The following CSPP1 variants were observed in gnomAD, a reference collection of about 807,000 sequenced individuals.
The protein encoded by CSPP1 is centrosome and spindle pole associated protein 1, also known as centrosome and spindle pole-associated protein 1.
A neutral mutation model predicts 164.4 loss-of-function variants in CSPP1; 126 were observed. The observed-to-expected ratio is 0.77, with a 90% CI of 0.66 to 0.89. CSPP1 has a LOEUF of 0.89. Among genes scored for constraint, CSPP1 ranks in the 40% least tolerant of loss-of-function variants. The pLI is 0.00. For synonymous variants in CSPP1, 472 were observed against 476.7 expected (o/e 0.99, Z 0.13); for missense variants, 1,395 against 1,449.8 (o/e 0.96, Z 0.61).
At chr8:67,147,796 C>T (rs1323538327) in intron 17 of CSPP1, among the ~76,000 whole-genome samples, 5 of 152,184 alleles carry the variant, frequency 3.3e-5, no homozygotes. Flanking sequence ...GGACTGTCAT[C>T]TGACCTTGTG....
intron 5 of CSPP1, among the ~76,000 whole-genome samples, chr8:67,092,213 A>G (rs1173434549): frequency 6.6e-6 from 1 of 152,180 alleles, no homozygotes; most frequent in African/African-American, 2.4e-5. Context: ...AGTTATTGGA[A>G]TAAGTGGATG....
intron 28 of CSPP1, among the ~76,000 whole-genome samples, chr8:67,181,685 TAAAC>T (rs1833088337): frequency 6.6e-6 from 1 of 152,206 alleles, no homozygotes; most frequent in Admixed American, 6.5e-5. Flanking sequence ...AAAATACACA[TAAAC>T]ATAACATTTA....
rs1412727047 is a variant in CSPP1 at position 67,154,112 on chromosome 8, A to AT, written c.2218dup (p.Tyr740LeufsTer10). On this transcript the variant is annotated frameshift_variant, in exon 19 of 31. Transcript: ENST00000678616. LOFTEE classifies it high-confidence loss of function. Reference sequence around the variant, plus strand: ...AACTTCAGATTAAACAGCAAGAATTATACAAGAATTTTCTTCGTTTCCAGG... The same window carrying AT: ...AACTTCAGATTAAACAGCAAGAATTATTACAAGAATTTTCTTCGTTTCCAGG... 1.3e-6 allele frequency: 2 copies of AT among 1,569,110 alleles called. No individual in the cohort carries two copies. The highest frequency in any genetic ancestry group is 1.8e-6 in the Non-Finnish European group (2 of 1,140,460).
chr8:67,128,539 CAAA>C (rs111984957), intron 15 of CSPP1, among the ~76,000 whole-genome samples: 5 of 74,208 alleles, frequency 6.7e-5, no homozygotes, highest in Non-Finnish European at 9.7e-5. Flanking sequence ...GACTCCATCT[CAAA>C]AAAAAAAAAA....
intron 28 of CSPP1, among the ~76,000 whole-genome samples, chr8:67,187,015 A>ATCTATCTATCTAATCT (rs1554622825): frequency 9.1e-5 from 13 of 142,976 alleles, no homozygotes; most frequent in African/African-American, 3.4e-4. Flanking sequence ...CTATCTATCT[A>ATCTATCTATCTAATCT]ATCTATCTAT....
At chr8:67,143,322 T>C (rs1823873718) in intron 17 of CSPP1, among the ~76,000 whole-genome samples, 1 of 152,124 alleles carries the variant, frequency 6.6e-6, no homozygotes, top group Non-Finnish European at 1.5e-5. Flanking sequence ...TTCTTTTTTT[T>C]CAAGATCTTT....
At chr8:67,082,506 CAATT>C (rs1809418900) in intron 3 of CSPP1, among the ~76,000 whole-genome samples, 1 of 152,156 alleles carries the variant, frequency 6.6e-6, no homozygotes, top group Admixed American at 6.5e-5. Context: ...AGTGTCTCCT[CAATT>C]AGTCACATCT....
intron 19 of CSPP1, among the ~76,000 whole-genome samples, chr8:67,156,981 G>T (rs897598414): frequency 2.0e-5 from 3 of 152,118 alleles, no homozygotes; most frequent in Non-Finnish European, 2.9e-5. Flanking sequence ...ACTGAGCTTT[G>T]GATCCATTAG....
In CSPP1 at chr8:67,158,995, G is replaced by C; in HGVS notation, c.2396G>C (p.Arg799Thr). The change falls in exon 21 of 31, where the codon AGG becomes ACG. Residue 799 changes from arginine (R) to threonine (T), a missense_variant. Transcript: ENST00000678616. ...EKKREKEEEQ[R>T]LKNEEHIRLA... ...ATTTCTCTTTTTATTTTAAAGCAAA[G>C]GCTAAAAAATGAAGAGCATATTCGG... 1 of 1,593,418 alleles carries C rather than the reference G, an allele frequency of 6.3e-7. No homozygotes were observed. The highest frequency in any genetic ancestry group is 1.2e-5 in the South Asian group (1 of 86,754).
chr8:67,086,886 T>G (rs1049897609), intron 4 of CSPP1: 2 of 1,242,656 alleles, frequency 1.6e-6, no homozygotes, highest in South Asian at 2.5e-5. Flanking sequence ...AGTTTTTTCT[T>G]TCTTTTTTTT....
At chr8:67,094,235 C>G (rs944880783) in intron 6 of CSPP1, among the ~76,000 whole-genome samples, 1 of 144,170 alleles carries the variant, frequency 6.9e-6, no homozygotes, top group Admixed American at 7.0e-5. Context: ...GAAGTAATAT[C>G]TCCTGGGATA....
At chr8:67,170,978 G>A (rs893503717) in intron 24 of CSPP1, among the ~76,000 whole-genome samples, 1 of 151,392 alleles carries the variant, frequency 6.6e-6, no homozygotes, top group African/African-American at 2.4e-5. Flanking sequence ...AGTAGAGATG[G>A]GGTTTCACCG....
rs1299890159 is a variant in CSPP1 at position 67,161,879 on chromosome 8, T to C, written c.2607T>C (p.Pro869=). The change falls in exon 22 of 31, where the codon CCT becomes CCC. Residue 869 remains proline, a synonymous_variant. Transcript: ENST00000678616. ...QNKIASKLQR[P]PSVDSIIRSF... is the part of the protein sequence containing the mutation. ...AAATTGCAAGCAAACTCCAAAGACCTCCTTCAGTTGACAGCATCATACGTT... is the reference window on the plus strand; with the variant it reads ...AAATTGCAAGCAAACTCCAAAGACCCCCTTCAGTTGACAGCATCATACGTT... The C allele has an allele frequency of 2.5e-6, 4 of 1,612,824 alleles. No individual in the cohort carries two copies. In the East Asian group the frequency reaches 8.9e-5, roughly 36 times the overall value.
chr8:67,128,931 T>C (rs147056415), intron 15 of CSPP1, among the ~76,000 whole-genome samples: 1 of 152,304 alleles, frequency 6.6e-6, no homozygotes, highest in East Asian at 1.9e-4. Context: ...TTAATTGGGG[T>C]AATAATGGTA....
chr8:67,134,421 T>TC (rs1821824475), intron 16 of CSPP1: 1 of 146,262 alleles, frequency 6.8e-6, no homozygotes, highest in Non-Finnish European at 1.5e-5. Flanking sequence ...GAAAGGAATC[T>TC]CTTTTTTTTA....
chr8:67,157,276 A>C (rs1434926948), intron 19 of CSPP1, among the ~76,000 whole-genome samples: 1 of 152,144 alleles, frequency 6.6e-6, no homozygotes, highest in East Asian at 1.9e-4. Context: ...ATAAAATCAT[A>C]GGATGTGTTA....
At chr8:67,104,701 G>A (rs1815000402) in intron 8 of CSPP1, among the ~76,000 whole-genome samples, 1 of 151,232 alleles carries the variant, frequency 6.6e-6, no homozygotes, top group Non-Finnish European at 1.5e-5. Context: ...GCAGCGGCAC[G>A]ATCTCAGCTC....
chr8:67,083,548 A>ATATATATAT (rs1554560400), intron 3 of CSPP1: 7 of 91,484 alleles, frequency 7.7e-5, no homozygotes, highest in Admixed American at 1.4e-4. Context: ...AAAAAAAAAA[A>ATATATATAT]ATATATATAT....
chr8:67,130,486 G>GT (rs1821006123), intron 15 of CSPP1, among the ~76,000 whole-genome samples: 2 of 152,084 alleles, frequency 1.3e-5, no homozygotes, highest in African/African-American at 4.8e-5. Context: ...GAGCCCCCTT[G>GT]CTCTGAAAAA....
Sources: gnomAD v4.1 joint callset for allele counts (sites outside exome capture counted in the v4.1 genomes callset) on GRCh38, gnomAD v4.1.1 for gene constraint, MANE v1.5 for transcripts, NCBI Gene and HGNC (gene_info 2026-07-23, HGNC 2026-07-21) for gene names.